SKIC3: variants seen among roughly 807,000 people sequenced by gnomAD.
SKIC3 encodes superkiller complex protein 3.
the SKIC3 span, among the ~76,000 whole-genome samples, chr5:95,505,409 C>A: frequency 6.6e-6 from 1 of 152,184 alleles, no homozygotes; most frequent in Admixed American, 6.5e-5. Flanking sequence ...AAAAGTATTT[C>A]TTTAAATAAA....
the SKIC3 span, chr5:95,498,423 T>G: frequency 5.9e-5 from 95 of 1,614,150 alleles, no homozygotes; most frequent in African/African-American, 1.2e-3. Flanking sequence ...GGCCTTGGAG[T>G]GCATAAATCG....
chr5:95,480,621 A>G, the SKIC3 span, among the ~76,000 whole-genome samples: 1 of 152,200 alleles, frequency 6.6e-6, no homozygotes, highest in Non-Finnish European at 1.5e-5. Context: ...CATTTTAGAT[A>G]ACTCTTTGGC....
the SKIC3 span, among the ~76,000 whole-genome samples, chr5:95,496,008 C>T: frequency 1.3e-5 from 2 of 151,578 alleles, no homozygotes; most frequent in Admixed American, 6.6e-5. Flanking sequence ...CAAATGCTAA[C>T]AATTTCTTTC....
chr5:95,514,736 G>T, the SKIC3 span: 2 of 973,092 alleles, frequency 2.1e-6, no homozygotes, highest in South Asian at 1.4e-5. Context: ...GCTAAGCACA[G>T]TGACTGGCAC....
At chr5:95,486,780 G>A in the SKIC3 span, among the ~76,000 whole-genome samples, 1 of 152,186 alleles carries the variant, frequency 6.6e-6, no homozygotes, top group African/African-American at 2.4e-5. Context: ...GGAGACTGGT[G>A]TGCTCAGTCC....
At chr5:95,504,284 C>T in the SKIC3 span, among the ~76,000 whole-genome samples, 10 of 149,518 alleles carry the variant, frequency 6.7e-5, no homozygotes, top group African/African-American at 1.5e-4. Context: ...TGTAGTGAGC[C>T]GAGATTGCAC....
the SKIC3 span, among the ~76,000 whole-genome samples, chr5:95,480,313 A>C: frequency 6.6e-6 from 1 of 152,086 alleles, no homozygotes; most frequent in Non-Finnish European, 1.5e-5. Flanking sequence ...TTTCAATAAA[A>C]ATATCCAAAA....
At chr5:95,547,035 T>G in the SKIC3 span, 2 of 1,594,634 alleles carry the variant, frequency 1.3e-6, no homozygotes, top group Non-Finnish European at 1.7e-6. Context: ...CATACTTTCA[T>G]TGTGGAAGAA....
chr5:95,475,165 A>T, the SKIC3 span, among the ~76,000 whole-genome samples: 1 of 152,218 alleles, frequency 6.6e-6, no homozygotes, highest in Non-Finnish European at 1.5e-5. Context: ...TTGGAGGTAC[A>T]GGGACACTCT....
the SKIC3 span, chr5:95,478,559 G>GT: frequency 7.2e-7 from 1 of 1,392,952 alleles, no homozygotes; most frequent in South Asian, 1.2e-5. Context: ...TTAGTTATTG[G>GT]TAAGTTCTGT....
chr5:95,510,573 T>A, the SKIC3 span, among the ~76,000 whole-genome samples: 41 of 152,314 alleles, frequency 2.7e-4, no homozygotes, highest in African/African-American at 9.9e-4. Flanking sequence ...AACTGGCTCA[T>A]CTGATCTTGT....
At chr5:95,511,510 G>A in the SKIC3 span, among the ~76,000 whole-genome samples, 1 of 152,286 alleles carries the variant, frequency 6.6e-6, no homozygotes, top group South Asian at 2.1e-4. Context: ...GCTGATGTTT[G>A]TAAATTAATT....
chr5:95,521,981 A>G, the SKIC3 span: 2 of 1,590,968 alleles, frequency 1.3e-6, no homozygotes, highest in Non-Finnish European at 1.7e-6. Flanking sequence ...CAATACATTT[A>G]GGCAGGAAAT....
the SKIC3 span, chr5:95,537,216 A>G: frequency 1.1e-3 from 1,408 of 1,252,886 alleles, 7 homozygotes; most frequent in African/African-American, 0.019. Flanking sequence ...ACTCTCTTAC[A>G]CAAACTACAC....
the SKIC3 span, chr5:95,529,998 A>T: frequency 4.6e-6 from 7 of 1,518,364 alleles, no homozygotes; most frequent in Admixed American, 1.0e-4. Flanking sequence ...CACCTTAGAT[A>T]GACATTCCTT....
At chr5:95,471,714 C>T in the SKIC3 span, among the ~76,000 whole-genome samples, 7 of 152,114 alleles carry the variant, frequency 4.6e-5, no homozygotes, top group Non-Finnish European at 1.0e-4. Context: ...AGCTTCAGGA[C>T]CCTACTGAAA....
the SKIC3 span, among the ~76,000 whole-genome samples, chr5:95,548,017 TAGAG>T: frequency 2.0e-5 from 3 of 152,206 alleles, no homozygotes; most frequent in African/African-American, 7.2e-5. Flanking sequence ...TTTTAATTAG[TAGAG>T]AAAGTATTTC....
chr5:95,482,110 T>C, the SKIC3 span, among the ~76,000 whole-genome samples: 2 of 152,184 alleles, frequency 1.3e-5, no homozygotes, highest in Non-Finnish European at 2.9e-5. Flanking sequence ...ATCTGTAAAG[T>C]AGCTAGGGAG....
the SKIC3 span, among the ~76,000 whole-genome samples, chr5:95,531,288 C>T: frequency 4.0e-5 from 6 of 151,892 alleles, no homozygotes; most frequent in Non-Finnish European, 8.8e-5. Context: ...AAGTTGGCAC[C>T]AAAAATGAAA....
Sources: allele counts gnomAD v4.1 joint callset (sites outside exome capture counted in the v4.1 genomes callset), GRCh38; gene constraint gnomAD v4.1.1; transcripts MANE v1.5; gene names NCBI Gene and HGNC (gene_info 2026-07-23, HGNC 2026-07-21).